STK3: variants seen among roughly 807,000 people sequenced by gnomAD.
STK3 encodes serine/threonine kinase 3, also known as serine/threonine-protein kinase 3.
In STK3, 41 loss-of-function variants were observed where a neutral mutation model predicts 58.0. The observed-to-expected ratio is 0.71, with a 90% confidence interval of 0.55 to 0.92. The LOEUF (loss-of-function observed/expected upper bound fraction) is 0.92. Among genes scored for constraint, STK3 ranks in the 40% least tolerant of loss-of-function variants. STK3 has a pLI of 0.00. For missense variants in STK3, 479 were observed against 602.7 expected (o/e 0.79, Z 2.15); for synonymous variants, 170 against 191.0 (o/e 0.89, Z 0.91).
chr8:98,678,388 T>A (rs1339344323), intron 6 of STK3, among the ~76,000 whole-genome samples: 1 of 152,114 alleles, frequency 6.6e-6, no homozygotes, highest in Non-Finnish European at 1.5e-5. Flanking sequence ...TCTTAAAAAG[T>A]ATAATTTATG....
chr8:98,354,062 G>A, the STK3 span, among the ~76,000 whole-genome samples: 2 of 152,178 alleles, frequency 1.3e-5, no homozygotes, highest in Admixed American at 6.5e-5. Context: ...GTCCTAAAGA[G>A]AGGATCTGAT....
chr8:98,609,966 C>CAAAA (rs1183279988), intron 6 of STK3, among the ~76,000 whole-genome samples: 1 of 73,486 alleles, frequency 1.4e-5, no homozygotes, highest in African/African-American at 5.0e-5. Context: ...GACTCCGTCT[C>CAAAA]AAAAAAAAAA....
intron 1 of STK3, among the ~76,000 whole-genome samples, chr8:98,811,507 G>A (rs1212197981): frequency 6.9e-6 from 1 of 144,348 alleles, no homozygotes; most frequent in African/African-American, 2.6e-5. Flanking sequence ...AGGATGATAT[G>A]CAAATTCATT....
At chr8:98,806,965 T>G (rs1403105458) in intron 1 of STK3, among the ~76,000 whole-genome samples, 1 of 151,862 alleles carries the variant, frequency 6.6e-6, no homozygotes. Context: ...CCATCCTGGC[T>G]AACACAGCGA....
chr8:98,559,512 C>T (rs1246776658), intron 8 of STK3, among the ~76,000 whole-genome samples: 7 of 152,094 alleles, frequency 4.6e-5, no homozygotes, highest in African/African-American at 7.2e-5. Context: ...AAAGCAGCAA[C>T]CTACACTTTT....
At chr8:98,740,818 A>G (rs1183569592) in intron 4 of STK3, among the ~76,000 whole-genome samples, 1 of 152,226 alleles carries the variant, frequency 6.6e-6, no homozygotes, top group African/African-American at 2.4e-5. Context: ...TAAAGAGTCA[A>G]GACCCATCAG....
chr8:98,386,159 C>T (rs934996492), intron 1 of STK3, among the ~76,000 whole-genome samples: 5 of 152,048 alleles, frequency 3.3e-5, no homozygotes, highest in African/African-American at 4.8e-5. Flanking sequence ...AGAAATTTAT[C>T]GATACCTACT....
At chr8:98,540,491 T>C (rs1244822732) in intron 9 of STK3, among the ~76,000 whole-genome samples, 1 of 152,184 alleles carries the variant, frequency 6.6e-6, no homozygotes, top group Non-Finnish European at 1.5e-5. Context: ...ATAACATATT[T>C]TTATTTTGTT....
intron 10 of STK3, among the ~76,000 whole-genome samples, chr8:98,467,164 G>T (rs1449758877): frequency 6.6e-6 from 1 of 151,986 alleles, no homozygotes; most frequent in African/African-American, 2.4e-5. Flanking sequence ...TTTCCTGCAG[G>T]CACCACCATT....
intron 3 of STK3, among the ~76,000 whole-genome samples, chr8:98,411,521 G>A (rs1216864443): frequency 6.6e-6 from 1 of 152,206 alleles, no homozygotes; most frequent in Non-Finnish European, 1.5e-5. Context: ...TGGTGCCTCT[G>A]CAGCCTGCCC....
At chr8:98,879,255 T>A (rs1837704281), downstream of STK3, 1 of 152,210 alleles carries the variant, frequency 6.6e-6, no homozygotes, top group Admixed American at 6.5e-5. Context: ...ACCATATTGT[T>A]TGGGGAATAA....
chr8:98,904,993 A>G, intron 1 of STK3: 1 of 751,288 alleles, frequency 1.3e-6, no homozygotes, highest in Non-Finnish European at 2.5e-6. Flanking sequence ...CAGACCCAGT[A>G]TCGCTTATAG....
intron 3 of STK3, among the ~76,000 whole-genome samples, chr8:98,404,352 C>T (rs760040659): frequency 4.6e-5 from 7 of 152,102 alleles, no homozygotes; most frequent in African/African-American, 7.2e-5. Context: ...GCTTGGACAA[C>T]ATAGCGAGAC....
intron 3 of STK3, among the ~76,000 whole-genome samples, chr8:98,425,314 G>T (rs183014800): frequency 3.2e-5 from 4 of 123,384 alleles, no homozygotes; most frequent in African/African-American, 1.3e-4. Context: ...ATTTTTCTCC[G>T]TCTCTCCCTC....
At chr8:98,536,430 CAGTCT>C (rs1809770566) in intron 9 of STK3, among the ~76,000 whole-genome samples, 1 of 151,972 alleles carries the variant, frequency 6.6e-6, no homozygotes, top group South Asian at 2.1e-4. Context: ...CACCATATTC[CAGTCT>C]AGATGACAGA....
In STK3 at chr8:98,800,081, G is replaced by T. The variant is rs1833422650; in HGVS notation, c.27-25262C>A. Among the ~76,000 whole-genome samples, 1 of 152,178 alleles carries T rather than the reference G, an allele frequency of 6.6e-6. No individual in the cohort carries two copies. Among genetic ancestry groups the T allele is most frequent in the Admixed American group, 6.5e-5 (1 of 15,282 alleles). ...ACCAACCTCTGGAGTTGGGCAACAT[G>T]GCTTCTCCCCTTTCTAGGTCCCGTG... On this transcript the variant is annotated intron_variant, in intron 1 of 10. Transcript: ENST00000419617. This position sits in a 1 kb window ranked among gnomAD's most constrained non-coding sequence, Gnocchi z 4.8.
chr8:98,675,122 A>C (rs144383630), intron 6 of STK3, among the ~76,000 whole-genome samples: 1 of 152,198 alleles, frequency 6.6e-6, no homozygotes, highest in Admixed American at 6.5e-5. Context: ...AATATACATA[A>C]AGTGCTTCAT....
At chr8:98,870,585 A>G (rs1212733220) in intron 3 of STK3, among the ~76,000 whole-genome samples, 1 of 152,166 alleles carries the variant, frequency 6.6e-6, no homozygotes, top group East Asian at 1.9e-4. Flanking sequence ...GCATTTCTCT[A>G]ATGGCCAGTG....
At chr8:98,346,334 A>C in the STK3 span, among the ~76,000 whole-genome samples, 1 of 151,904 alleles carries the variant, frequency 6.6e-6, no homozygotes, top group Non-Finnish European at 1.5e-5. Context: ...GGACAACTCC[A>C]ACAGCCTAAT....
Sources: gnomAD v4.1 joint callset for allele counts (sites outside exome capture counted in the v4.1 genomes callset) on GRCh38, gnomAD v4.1.1 for gene constraint, Gnocchi (gnomAD v3.1) non-coding constraint, MANE v1.5 for transcripts, NCBI Gene and HGNC (gene_info 2026-07-23, HGNC 2026-07-21) for gene names.